DGKB: variants seen among roughly 807,000 people sequenced by gnomAD.
DGKB encodes diacylglycerol kinase beta.
In DGKB, 67 loss-of-function variants were observed where a neutral mutation model predicts 114.3. The ratio of observed to expected loss-of-function variants is 0.59; its 90% CI spans 0.48 to 0.72. The LOEUF (loss-of-function observed/expected upper bound fraction) is 0.72. Ranked by LOEUF, DGKB falls within the 30% of genes least tolerant of loss-of-function variation. The pLI, the probability that DGKB is intolerant of heterozygous loss-of-function variation, is 0.00. For synonymous variants in DGKB, 398 were observed against 323.1 expected (o/e 1.23, Z -2.49); for missense variants, 907 against 975.2 (o/e 0.93, Z 0.93).
chr7:14,826,723 G>T (rs1012294878), intron 2 of DGKB, among the ~76,000 whole-genome samples: 2 of 152,020 alleles, frequency 1.3e-5, no homozygotes, highest in Admixed American at 1.3e-4. Flanking sequence ...CGGAAAAATG[G>T]CAATAATAAT....
intron 17 of DGKB, 85 bp downstream of exon 17, chr7:14,607,349 A>T: frequency 1.4e-6 from 1 of 738,714 alleles, no homozygotes. Context: ...TGTTCAAATA[A>T]CATTATTTCT....
In DGKB at chr7:14,736,027, G is replaced by T. The variant is rs754994577; in HGVS notation, c.322+14C>A. On this transcript the variant is annotated intron_variant, in intron 5 of 25. Transcript: ENST00000402815. ...AATTTGTACTATATAAATGTTTAAA[G>T]TAAGTAAACTTACCGCCTGATAGGA... 1 of 1,531,310 alleles carries T rather than the reference G, an allele frequency of 6.5e-7. No individual in the cohort carries two copies. The highest frequency in any genetic ancestry group is 8.8e-7 in the Non-Finnish European group (1 of 1,130,284). 94.9% of individuals were successfully genotyped at this position (1,531,310 alleles called of 1,614,324 possible).
At chr7:14,847,897 G>C (rs138803717) in intron 1 of DGKB, among the ~76,000 whole-genome samples, 226 of 152,260 alleles carry the variant, frequency 1.5e-3, no homozygotes, top group African/African-American at 5.1e-3. Flanking sequence ...AATCTCAAAA[G>C]AAGTCAGTTA....
intron 1 of DGKB, among the ~76,000 whole-genome samples, chr7:14,860,387 CA>C (rs1404314448): frequency 5.9e-5 from 9 of 152,114 alleles, no homozygotes; most frequent in African/African-American, 2.2e-4. Flanking sequence ...CAATTGCATA[CA>C]TTCACGTCTT....
At chr7:14,872,793 A>G (rs963218934) in intron 1 of DGKB, among the ~76,000 whole-genome samples, 1 of 150,044 alleles carries the variant, frequency 6.7e-6, no homozygotes, top group African/African-American at 2.4e-5. Flanking sequence ...TGTTTATGTA[A>G]CATATATGTA....
At chr7:14,623,327 A>G (rs930965273) in intron 14 of DGKB, among the ~76,000 whole-genome samples, 3 of 152,112 alleles carry the variant, frequency 2.0e-5, no homozygotes, top group Non-Finnish European at 2.9e-5. Flanking sequence ...TTAGAGTACC[A>G]TTTCAATTTC....
intron 6 of DGKB, among the ~76,000 whole-genome samples, chr7:14,717,947 T>C (rs1828489013): frequency 6.6e-6 from 1 of 152,212 alleles, no homozygotes; most frequent in Admixed American, 6.5e-5. Context: ...AGACAGTAAT[T>C]ATTTACTTTC....
chr7:14,261,013 C>G (rs77352168), intron 23 of DGKB, among the ~76,000 whole-genome samples: 1 of 152,014 alleles, frequency 6.6e-6, no homozygotes, highest in Non-Finnish European at 1.5e-5. Flanking sequence ...CTCACTTGAT[C>G]AAATTAGCTG....
chr7:14,315,538 G>T (rs1400012213), intron 23 of DGKB, among the ~76,000 whole-genome samples: 1 of 150,706 alleles, frequency 6.6e-6, no homozygotes, highest in African/African-American at 2.5e-5. Flanking sequence ...CACAAAGAAG[G>T]CCATTACATA....
intron 23 of DGKB, among the ~76,000 whole-genome samples, chr7:14,211,094 C>G (rs2128304469): frequency 6.6e-6 from 1 of 152,110 alleles, no homozygotes; most frequent in South Asian, 2.1e-4. Flanking sequence ...CTGTGTTCTC[C>G]TACTCACCTC....
chr7:14,566,218 A>C (rs1350453154), intron 20 of DGKB, among the ~76,000 whole-genome samples: 1 of 152,186 alleles, frequency 6.6e-6, no homozygotes, highest in African/African-American at 2.4e-5. Context: ...TAATAATTAT[A>C]AAAGATTTTT....
At chr7:14,946,449 C>G (rs555125682) in intron 1 of DGKB, among the ~76,000 whole-genome samples, 2 of 151,640 alleles carry the variant, frequency 1.3e-5, no homozygotes, top group African/African-American at 4.8e-5. Context: ...CTATTTTATT[C>G]AAACTGAATC....
At chr7:14,313,552 C>A (rs1470712452) in intron 23 of DGKB, among the ~76,000 whole-genome samples, 26 of 152,172 alleles carry the variant, frequency 1.7e-4, no homozygotes, top group Admixed American at 1.6e-3. Context: ...GTCACTCCCA[C>A]CCGAATACTG....
chr7:14,801,342 A>G (rs562371205), intron 2 of DGKB, among the ~76,000 whole-genome samples: 5 of 152,096 alleles, frequency 3.3e-5, no homozygotes, highest in Non-Finnish European at 5.9e-5. Flanking sequence ...AGGGGTGTGC[A>G]TGGGTGCTCA....
intron 17 of DGKB, among the ~76,000 whole-genome samples, chr7:14,584,469 A>G: frequency 6.6e-6 from 1 of 152,218 alleles, no homozygotes; most frequent in South Asian, 2.1e-4. Context: ...CTACATATGA[A>G]CAACTTTATG....
intron 19 of DGKB, among the ~76,000 whole-genome samples, chr7:14,575,892 T>A (rs1270105896): frequency 6.6e-6 from 1 of 152,164 alleles, no homozygotes; most frequent in African/African-American, 2.4e-5. Flanking sequence ...GGCACTCTCA[T>A]ATACCAAAAT....
At chr7:14,403,661 G>A (rs1823486536) in intron 21 of DGKB, among the ~76,000 whole-genome samples, 1 of 151,936 alleles carries the variant, frequency 6.6e-6, no homozygotes, top group Non-Finnish European at 1.5e-5. Flanking sequence ...GTATCCATTA[G>A]TTTTCAATAA....
At chr7:14,308,179 C>T (rs1313679437) in intron 23 of DGKB, among the ~76,000 whole-genome samples, 1 of 151,834 alleles carries the variant, frequency 6.6e-6, no homozygotes, top group Non-Finnish European at 1.5e-5. Context: ...AGCAGGATTT[C>T]CTCATGTAAT....
At chr7:14,476,208 T>A (rs1045165402) in intron 21 of DGKB, among the ~76,000 whole-genome samples, 3 of 152,058 alleles carry the variant, frequency 2.0e-5, no homozygotes, top group African/African-American at 7.2e-5. Context: ...TGGGAAAGCA[T>A]AGACTACTCT....
Sources: allele counts gnomAD v4.1 joint callset (sites outside exome capture counted in the v4.1 genomes callset), GRCh38; gene constraint gnomAD v4.1.1; transcripts MANE v1.5; gene names NCBI Gene and HGNC (gene_info 2026-07-23, HGNC 2026-07-21).